Variants in SNRPB2 observed in about 807,000 individuals in gnomAD.
The protein encoded by SNRPB2 is U2 small nuclear ribonucleoprotein B''.
A neutral mutation model predicts 26.3 loss-of-function variants in SNRPB2; 16 were observed. That is an observed-to-expected ratio of 0.61 (90% CI 0.41 to 0.92). SNRPB2 has a LOEUF of 0.92. SNRPB2 is among the 40% of genes least tolerant of loss of function. The pLI is 0.00. For synonymous variants in SNRPB2, 75 were observed against 89.0 expected (o/e 0.84, Z 0.88); for missense variants, 179 against 268.1 (o/e 0.67, Z 2.32).
chr20:16,732,023 T>C (rs1340415306), intron 2 of SNRPB2, 141 bp from the exon 3 acceptor site: 1 of 623,404 alleles, frequency 1.6e-6, no homozygotes, highest in Non-Finnish European at 2.7e-6. Context: ...ATGGGAATAG[T>C]ATATGTTTTT....
At chr20:16,738,418 G>A (rs2072441863) in intron 4 of SNRPB2, among the ~76,000 whole-genome samples, 1 of 147,880 alleles carries the variant, frequency 6.8e-6, no homozygotes, top group African/African-American at 2.5e-5. Context: ...ACTCCAGCCT[G>A]GGTGACAAGA....
rs550691745 is a variant in SNRPB2 at position 16,742,442 on chromosome 20, G to A, written c.*1437G>A. ...AATGAGGGGGGTGAATAGTAAGAGG[G>A]GTCGTGTAGGTCTTCTTCAGGATTT... On this transcript the variant is annotated 3_prime_UTR_variant, in exon 7 of 7. Transcript: ENST00000246071. 12 of 152,176 alleles carry A rather than the reference G, an allele frequency of 7.9e-5. No individual in the cohort carries two copies. The highest frequency in any genetic ancestry group is 1.5e-4 in the Non-Finnish European group (10 of 68,028). 9.4% of individuals were successfully genotyped at this position (152,176 alleles called of 1,614,324 possible).
intron 6 of SNRPB2, 139 bp downstream of exon 6, chr20:16,740,552 G>A (rs2122508699): frequency 7.1e-7 from 1 of 1,414,620 alleles, no homozygotes; most frequent in Admixed American, 3.0e-5. Flanking sequence ...ATCATGAATT[G>A]GAGCCAATTT....
At chr20:16,735,586 A>T (rs2072421201) in intron 3 of SNRPB2, among the ~76,000 whole-genome samples, 1 of 152,218 alleles carries the variant, frequency 6.6e-6, no homozygotes, top group South Asian at 2.1e-4. Flanking sequence ...CAAGTGCAGA[A>T]TCCCAGGTTT....
rs1336015731 is a variant in SNRPB2 at position 16,742,562 on chromosome 20, C to G, written c.*1557C>G. Reference sequence around the variant, plus strand: ...AATAAAGTTCACCCATGTTAGTGTTCCATTTGATGAGTTTGGGCAATTGTA... The same window carrying G: ...AATAAAGTTCACCCATGTTAGTGTTGCATTTGATGAGTTTGGGCAATTGTA... On this transcript the variant is annotated 3_prime_UTR_variant, in exon 7 of 7. Transcript: ENST00000246071. The G allele has an allele frequency of 6.6e-6, 1 of 152,016 alleles. No individual in the cohort carries two copies. The highest frequency in any genetic ancestry group is 1.9e-4 in the East Asian group (1 of 5,158). 9.4% of individuals were successfully genotyped at this position (152,016 alleles called of 1,614,324 possible).
chr20:16,741,220 A>G lies in SNRPB2; in HGVS notation c.*215A>G. 1 of 416,002 alleles carries G rather than the reference A, an allele frequency of 2.4e-6. No homozygotes were observed. The highest frequency in any genetic ancestry group is 4.3e-6 in the Non-Finnish European group (1 of 233,184). The allele number at this position is 416,002 out of a possible 1,614,324, so 25.8% of individuals were successfully genotyped here. ...ATAAACTTTTATTTGTATTCTGTGTATATAATGCTTTCTTGATTGACCCAT... is the reference window on the plus strand; with the variant it reads ...ATAAACTTTTATTTGTATTCTGTGTGTATAATGCTTTCTTGATTGACCCAT... On this transcript the variant is annotated 3_prime_UTR_variant, in exon 7 of 7. Transcript: ENST00000246071.
intron 3 of SNRPB2, among the ~76,000 whole-genome samples, chr20:16,734,291 A>G (rs1451787412): frequency 1.3e-5 from 2 of 152,188 alleles, no homozygotes; most frequent in African/African-American, 2.4e-5. Flanking sequence ...CCATCTTAGA[A>G]GAGGGGAAAT....
intron 3 of SNRPB2, 27 bp from the exon 4 acceptor site, chr20:16,737,234 T>G (rs776880968): frequency 1.3e-6 from 2 of 1,554,164 alleles, no homozygotes; most frequent in South Asian, 2.5e-5. Flanking sequence ...GCATGAGAAG[T>G]AACCTGTTTT....
In SNRPB2 at chr20:16,732,281, C is replaced by T. The variant is rs760943329; in HGVS notation, c.182C>T (p.Ser61Leu). Residue 61 changes from serine to leucine, a missense_variant, in exon 3 of 7, where the codon TCA (serine) becomes TTA (leucine). Ser to Leu is a moderately radical substitution (Grantham distance 145). Transcript: ENST00000246071. The stretch of plus-strand genomic sequence containing the variant: ...TTTGTCATATTTAAGGAACTGGGCT[C>T]ATCCACAAATGCCTTGAGACAGCTA... ...QAFVIFKELG[S>L]STNALRQLQG... The T allele has an allele frequency of 1.9e-6, 3 of 1,602,440 alleles. No individual in the cohort carries two copies. The highest frequency in any genetic ancestry group is 2.6e-6 in the Non-Finnish European group (3 of 1,173,958).
chr20:16,739,737 C>T (rs972995264), intron 5 of SNRPB2, among the ~76,000 whole-genome samples: 1 of 152,046 alleles, frequency 6.6e-6, no homozygotes, highest in Non-Finnish European at 1.5e-5. Flanking sequence ...CTTTAGTTCC[C>T]CATAACCTCT....
intron 5 of SNRPB2, among the ~76,000 whole-genome samples, chr20:16,739,234 A>G (rs1398420077): frequency 6.6e-6 from 1 of 152,220 alleles, no homozygotes; most frequent in African/African-American, 2.4e-5. Context: ...TGCATGGGTA[A>G]GGGTAACTGG....
At chr20:16,736,494 GA>G (rs936496285) in intron 3 of SNRPB2, among the ~76,000 whole-genome samples, 24 of 151,652 alleles carry the variant, frequency 1.6e-4, no homozygotes, top group African/African-American at 5.6e-4. Flanking sequence ...TCTAAAAAAT[GA>G]AAAAAAATTC....
rs1434967377 is a variant in SNRPB2 at position 16,737,400 on chromosome 20, A to G, written c.377A>G (p.Gln126Arg). The G allele has an allele frequency of 2.5e-6, 4 of 1,576,194 alleles. No homozygotes were observed. Among genetic ancestry groups the G allele is most frequent in the South Asian group, 1.2e-5 (1 of 83,382 alleles). The change falls in exon 4 of 7, where the codon CAG (glutamine) becomes CGG (arginine). Residue 126 changes from glutamine to arginine, a missense_variant and splice_region_variant. Around this residue, in one of 2 missense-constraint regions of SNRPB2, gnomAD observed 145 missense variants for 180.7 expected, o/e 0.80. Coordinates refer to ENST00000246071, the MANE Select transcript of SNRPB2 (RefSeq NM_003092.5). ...TATTTNKKPGQGTPNSANTQG... is the reference protein window; with the variant it reads ...TATTTNKKPGRGTPNSANTQG... ...ACAACCACAAACAAAAAGCCTGGCC[A>G]GGTAAGAAAGACCAAGAAAGTTCCT...
chr20:16,731,593 T>A (rs1252588993), intron 1 of SNRPB2, 75 bp from the exon 2 acceptor site: 18 of 1,440,756 alleles, frequency 1.2e-5, no homozygotes, highest in South Asian at 8.8e-5. Context: ...GAAAGAGAAA[T>A]GAAAAGTTAA....
At chr20:16,737,819 G>A (rs560768158) in intron 4 of SNRPB2, among the ~76,000 whole-genome samples, 19 of 151,524 alleles carry the variant, frequency 1.3e-4, no homozygotes, top group Admixed American at 7.9e-4. Context: ...GGAGGATCAC[G>A]AAGTCAGGAG....
chr20:16,736,370 T>A (rs1482700767), intron 3 of SNRPB2, among the ~76,000 whole-genome samples: 1 of 152,110 alleles, frequency 6.6e-6, no homozygotes, highest in Non-Finnish European at 1.5e-5. Context: ...TGTGTCCTGA[T>A]TGTGGTGGTA....
chr20:16,730,870 T>C (rs1239814087), intron 1 of SNRPB2: 1 of 152,282 alleles, frequency 6.6e-6, no homozygotes, highest in African/African-American at 2.4e-5. Context: ...CTGATGCTTA[T>C]TAGCTGTGTG....
rs1600226262 is a variant in SNRPB2, at chr20:16,737,124, A to G, written c.238-137A>G. 3.1e-5 allele frequency: 19 copies of G among 609,044 alleles called. No homozygotes were observed. The East Asian group carries it at 5.7e-4, about 18-fold the overall frequency. The allele number at this position is 609,044 out of a possible 1,614,324, so 37.7% of individuals were successfully genotyped here. On this transcript the variant is annotated intron_variant, in intron 3 of 6. Coordinates refer to ENST00000246071, the MANE Select transcript of SNRPB2 (RefSeq NM_003092.5). ...AGTTTACTTCCATTTGGCACTCAGT[A>G]TATTCTGACAGATTTTCTTAGGGAT...
rs1011984543 is a variant in SNRPB2 at position 16,739,627 on chromosome 20, A to G, written c.430-698A>G. Among the ~76,000 whole-genome samples, 5 of 152,076 alleles carry G rather than the reference A, an allele frequency of 3.3e-5. No individual in the cohort carries two copies. In the East Asian group the frequency reaches 9.6e-4, roughly 29 times the overall value. ...CACAAATGCCAGCACTTAATCCTCT[A>G]AGCCTTGAGTTGTTCACTAATTATT... is the stretch of plus-strand genomic sequence containing the variant. On this transcript the variant is annotated intron_variant, in intron 5 of 6. Coordinates refer to ENST00000246071, the MANE Select transcript of SNRPB2 (RefSeq NM_003092.5).
Sources: gnomAD v4.1 joint callset for allele counts (sites outside exome capture counted in the v4.1 genomes callset) on GRCh38, gnomAD v4.1.1 for gene constraint, gnomAD v4.1.1 regional missense constraint, MANE v1.5 for transcripts, NCBI Gene and HGNC (gene_info 2026-07-23, HGNC 2026-07-21) for gene names.